The following TESC variants were observed in gnomAD, a reference collection of about 807,000 sequenced individuals.
TESC encodes tescalcin.
In TESC, 19 loss-of-function variants were observed where a neutral mutation model predicts 31.0. The ratio of observed to expected loss-of-function variants is 0.61; its 90% CI spans 0.43 to 0.90. The LOEUF is 0.90. Ranked by LOEUF, TESC falls within the 40% of genes least tolerant of loss-of-function variation. TESC has a pLI of 0.00. For synonymous variants in TESC, 109 were observed against 114.8 expected (o/e 0.95, Z 0.32); for missense variants, 248 against 303.8 (o/e 0.82, Z 1.36).
intron 2 of TESC, among the ~76,000 whole-genome samples, chr12:117,074,340 C>T (rs1010733436): frequency 1.3e-5 from 2 of 152,130 alleles, no homozygotes; most frequent in African/African-American, 4.8e-5. Context: ...TGCACTCCAG[C>T]CTGGGCAACG....
At chr12:117,043,578 G>A (rs903690462) in intron 6 of TESC, among the ~76,000 whole-genome samples, 1 of 152,172 alleles carries the variant, frequency 6.6e-6, no homozygotes, top group African/African-American at 2.4e-5. Context: ...TCTTGCCTCA[G>A]ACTCCCAAGT....
In TESC at chr12:117,039,084, G is replaced by C; in HGVS notation, c.*49C>G. ...GCCTGGGCTGCTCCAGCTACGCGGG[G>C]AGGCGGCCCCATTGCAAAGTGCAGT... On this transcript the variant is annotated 3_prime_UTR_variant, in exon 8 of 8. Transcript: ENST00000335209. The C allele has an allele frequency of 6.3e-7, 1 of 1,599,726 alleles. No individual in the cohort carries two copies. Among genetic ancestry groups the C allele is most frequent in the South Asian group, 1.1e-5 (1 of 88,742 alleles).
At position 117,038,968 on chromosome 12, in the gene TESC, C is replaced by G; in HGVS notation, c.*165G>C. 1.8e-6 allele frequency: 1 copy of G among 563,494 alleles called. No homozygotes were observed. The highest frequency in any genetic ancestry group is 3.0e-6 in the Non-Finnish European group (1 of 332,464). 34.9% of individuals were successfully genotyped at this position (563,494 alleles called of 1,614,324 possible). On this transcript the variant is annotated 3_prime_UTR_variant, in exon 8 of 8. Coordinates refer to ENST00000335209, the MANE Select transcript of TESC (RefSeq NM_017899.4). Reference sequence around the variant, plus strand: ...TTTTTTTTATTGGAGATAAAAACAGCGAAGTCCCACATACCATACCCTACA... The same window carrying G: ...TTTTTTTTATTGGAGATAAAAACAGGGAAGTCCCACATACCATACCCTACA...
intron 1 of TESC, among the ~76,000 whole-genome samples, chr12:117,094,710 C>G (rs764435088): frequency 6.6e-6 from 1 of 152,068 alleles, no homozygotes; most frequent in Non-Finnish European, 1.5e-5. Flanking sequence ...AATGAGCATT[C>G]GTTTCATAAA....
At chr12:117,070,987 TTAAAG>T (rs1954964499) in intron 2 of TESC, among the ~76,000 whole-genome samples, 1 of 151,964 alleles carries the variant, frequency 6.6e-6, no homozygotes, top group African/African-American at 2.4e-5. Flanking sequence ...AAAAAAAAGA[TTAAAG>T]TAACACAATC....
At chr12:117,077,881 G>A (rs1249270099) in intron 1 of TESC, among the ~76,000 whole-genome samples, 5 of 151,974 alleles carry the variant, frequency 3.3e-5, no homozygotes, top group Admixed American at 1.3e-4. Flanking sequence ...TCGTGTTCTC[G>A]GAAACCTCAA....
At chr12:117,081,870 C>T (rs1432320603) in intron 1 of TESC, among the ~76,000 whole-genome samples, 2 of 151,786 alleles carry the variant, frequency 1.3e-5, no homozygotes, top group African/African-American at 4.8e-5. Flanking sequence ...TGCCACTGCA[C>T]TCCAGCCTGG....
chr12:117,058,463 T>A (rs995016623), intron 2 of TESC, among the ~76,000 whole-genome samples: 1 of 151,308 alleles, frequency 6.6e-6, no homozygotes, highest in Non-Finnish European at 1.5e-5. Flanking sequence ...TAATATTGAC[T>A]GCAGTGCTGG....
intron 1 of TESC, among the ~76,000 whole-genome samples, chr12:117,081,559 C>T (rs1256840563): frequency 2.0e-5 from 3 of 152,040 alleles, no homozygotes; most frequent in Admixed American, 1.3e-4. Flanking sequence ...TTAAGACAGG[C>T]GTATAAAGAT....
intron 6 of TESC, among the ~76,000 whole-genome samples, chr12:117,044,706 G>A (rs1237265098): frequency 1.3e-5 from 2 of 152,192 alleles, no homozygotes; most frequent in Non-Finnish European, 2.9e-5. Flanking sequence ...GAGACCAGCT[G>A]GCCAGCATGG....
At chr12:117,095,718 A>G (rs1474584660) in intron 1 of TESC, among the ~76,000 whole-genome samples, 1 of 152,090 alleles carries the variant, frequency 6.6e-6, no homozygotes, top group Admixed American at 6.6e-5. Context: ...CTGTCTCTAC[A>G]GAAAAATTTA....
At chr12:117,045,070 C>T (rs977148831) in intron 6 of TESC, among the ~76,000 whole-genome samples, 1 of 152,222 alleles carries the variant, frequency 6.6e-6, no homozygotes, top group African/African-American at 2.4e-5. Context: ...GCCCCTTGCC[C>T]CCAGCTCAGG....
At chr12:117,063,071 T>C (rs1305150332) in intron 2 of TESC, among the ~76,000 whole-genome samples, 1 of 152,180 alleles carries the variant, frequency 6.6e-6, no homozygotes, top group African/African-American at 2.4e-5. Flanking sequence ...TCGCGTGACA[T>C]CAAGCTGTGC....
chr12:117,075,576 A>G (rs1565971180), intron 1 of TESC, among the ~76,000 whole-genome samples: 1 of 151,928 alleles, frequency 6.6e-6, no homozygotes. Flanking sequence ...TAATAATACA[A>G]CTATTACTAA....
chr12:117,044,531 C>T (rs1954528936), intron 6 of TESC, among the ~76,000 whole-genome samples: 1 of 152,186 alleles, frequency 6.6e-6, no homozygotes, highest in African/African-American at 2.4e-5. Flanking sequence ...GGGGAAGCAG[C>T]CCCGGCTGAA....
chr12:117,061,719 G>A (rs1317692876), intron 2 of TESC, among the ~76,000 whole-genome samples: 2 of 151,980 alleles, frequency 1.3e-5, no homozygotes, highest in Non-Finnish European at 2.9e-5. Flanking sequence ...CTCACCACTG[G>A]TGCCTGACTC....
At chr12:117,042,765 G>A (rs905535589) in intron 6 of TESC, among the ~76,000 whole-genome samples, 5 of 152,132 alleles carry the variant, frequency 3.3e-5, no homozygotes, top group South Asian at 2.1e-4. Flanking sequence ...TTGTGACAGC[G>A]AAAACCCGCT....
chr12:117,096,000 TCA>T (rs1304829575), intron 1 of TESC, among the ~76,000 whole-genome samples: 2 of 152,192 alleles, frequency 1.3e-5, no homozygotes, highest in African/African-American at 4.8e-5. Context: ...TCTCTAAGCC[TCA>T]GTTTCCTCAC....
At chr12:117,072,728 T>C (rs956394210) in intron 2 of TESC, among the ~76,000 whole-genome samples, 8 of 152,206 alleles carry the variant, frequency 5.3e-5, no homozygotes, top group Non-Finnish European at 7.4e-5. Flanking sequence ...GTGAGCTCCA[T>C]AGCGGCTGCA....
Sources: allele counts gnomAD v4.1 joint callset (sites outside exome capture counted in the v4.1 genomes callset), GRCh38; gene constraint gnomAD v4.1.1; transcripts MANE v1.5; gene names NCBI Gene and HGNC (gene_info 2026-07-23, HGNC 2026-07-21).